Variants in CFAP418 observed in about 807,000 individuals in gnomAD.
The protein encoded by CFAP418 is cilia and flagella associated protein 418, also known as cilia- and flagella-associated protein 418.
CFAP418 carries 27 observed loss-of-function variants against 24.7 expected under a neutral mutation model. That is an observed-to-expected ratio of 1.09 (90% CI 0.81 to 1.51). The LOEUF is 1.51. Ranked by LOEUF, CFAP418 falls within the 40% of genes most tolerant of loss-of-function variation. The pLI is 0.00. For missense variants in CFAP418, 257 were observed against 255.2 expected, an observed-to-expected ratio of 1.01 and a Z score of -0.05; for synonymous variants, 74 against 87.3, an observed-to-expected ratio of 0.85 and a Z score of 0.85.
At chr8:95,268,949 T>C in intron 1 of CFAP418, 86 bp downstream of exon 1, 1 of 1,450,170 alleles carries the variant, frequency 6.9e-7, no homozygotes, top group Middle Eastern at 2.1e-4. Flanking sequence ...GCGGGCACGT[T>C]TCTTTTGGGT....
At chr8:95,268,751 CGGGCGGGGCGGGGCG>C (rs71273476) in intron 1 of CFAP418, 6,947 of 113,936 alleles carry the variant, frequency 0.061, 395 homozygotes, top group African/African-American at 0.13. Context: ...GCGGGCTCTG[CGGGCGGGGCGGGGCG>C]GGGCGGGGCG....
At chr8:95,255,080 T>A (rs554260398) in intron 4 of CFAP418, among the ~76,000 whole-genome samples, 1 of 152,326 alleles carries the variant, frequency 6.6e-6, no homozygotes, top group Non-Finnish European at 1.5e-5. Flanking sequence ...CATTGACTAG[T>A]CTTCCTGTGT....
At chr8:95,249,083 C>A (rs1470224577) in intron 5 of CFAP418, among the ~76,000 whole-genome samples, 1 of 152,104 alleles carries the variant, frequency 6.6e-6, no homozygotes, top group Non-Finnish European at 1.5e-5. Context: ...CCCGCCAAAA[C>A]TAAGTTGTTG....
intron 2 of CFAP418, among the ~76,000 whole-genome samples, chr8:95,261,817 A>T (rs2132162840): frequency 6.6e-6 from 1 of 152,350 alleles, no homozygotes; most frequent in Non-Finnish European, 1.5e-5. Context: ...AAACACCTTA[A>T]CTGAAAAGAT....
At position 95,268,751 on chromosome 8, in the gene CFAP418, CGGGCGGGGCGGGGCGGGGCGGGGCG is replaced by C. The variant is rs71273476; in HGVS notation, c.155+259_155+283del. 79 of 114,026 alleles carry C rather than the reference CGGGCGGGGCGGGGCGGGGCGGGGCG, an allele frequency of 6.9e-4. 2 individuals are homozygous for C. Among genetic ancestry groups the C allele is most frequent in the Admixed American group, 1.9e-3 (11 of 5,872 alleles). The allele number at this position is 114,026 out of a possible 1,614,324, so 7.1% of individuals were successfully genotyped here. On this transcript the variant is annotated intron_variant, in intron 1 of 5. Transcript: ENST00000286688. ...AGACTGGCGCGGACTGCGGGCTCTG[CGGGCGGGGCGGGGCGGGGCGGGGCG>C]GGGCGGGGCGGGGCGGGGGCCAGCC... is the stretch of plus-strand genomic sequence containing the variant.
intron 2 of CFAP418, among the ~76,000 whole-genome samples, chr8:95,261,966 CT>C: frequency 6.6e-6 from 1 of 152,198 alleles, no homozygotes; most frequent in South Asian, 2.1e-4. Flanking sequence ...CTATTCAGTG[CT>C]TATGCACTTA....
At chr8:95,247,841 A>AAG in intron 5 of CFAP418, 71 bp from the exon 6 acceptor site, 1 of 1,288,186 alleles carries the variant, frequency 7.8e-7, no homozygotes, top group Non-Finnish European at 1.1e-6. Context: ...AAAAAAAAAA[A>AAG]GGTCATTGCT....
rs114693384 is a variant in CFAP418, at chr8:95,264,384, A to T, written c.156-610T>A. On this transcript the variant is annotated intron_variant, in intron 1 of 5. Coordinates refer to ENST00000286688, the MANE Select transcript of CFAP418 (RefSeq NM_177965.4). ...TTTAATAGCTGATGCTAAATAGCTA[A>T]TAACTAAATAGTAAGTATTTACTGA... is the stretch of plus-strand genomic sequence containing the variant. Among the ~76,000 whole-genome samples, 1,136 of 152,316 alleles carry T rather than the reference A, an allele frequency of 7.5e-3. 20 individuals carry two copies. The highest frequency in any genetic ancestry group is 0.026 in the African/African-American group (1,075 of 41,574).
intron 1 of CFAP418, among the ~76,000 whole-genome samples, chr8:95,264,139 T>G (rs1811936765): frequency 6.6e-6 from 1 of 152,174 alleles, no homozygotes; most frequent in Non-Finnish European, 1.5e-5. Context: ...AAGATAATTT[T>G]AACGAGTCTT....
Position 95,257,687 on chromosome 8 carries a change from G to A in CFAP418, c.374+2153C>T, listed in dbSNP as rs536236340. Among the ~76,000 whole-genome samples the A allele has an allele frequency of 2.0e-5, 3 of 152,212 alleles. No homozygotes were observed. In the East Asian group the frequency reaches 5.8e-4, roughly 29 times the overall value. Reference sequence around the variant, plus strand: ...CACAATGCTTACTCATGTGTTTGTGGTGACGCTGATGTAAACAAACCTACT... The same window carrying A: ...CACAATGCTTACTCATGTGTTTGTGATGACGCTGATGTAAACAAACCTACT... On this transcript the variant is annotated intron_variant, in intron 4 of 5. Transcript: ENST00000286688.
At position 95,261,615 on chromosome 8, in the gene CFAP418, G is replaced by GT. The variant is rs201405968; in HGVS notation, c.244-1084dup. 3.9e-3 allele frequency among the ~76,000 whole-genome samples: 591 copies of GT among 151,276 alleles called. 1 individual carries two copies. The highest frequency in any genetic ancestry group is 4.9e-3 in the Non-Finnish European group (333 of 67,736). On this transcript the variant is annotated intron_variant, in intron 2 of 5. Transcript: ENST00000286688. ...ATCTATGTTTCTTTTGTTAATACAT[G>GT]TTTTTTTTTCCCAATAAATGTTTTA... is the stretch of plus-strand genomic sequence containing the variant.
intron 4 of CFAP418, among the ~76,000 whole-genome samples, chr8:95,252,619 A>G (rs894158040): frequency 6.6e-6 from 1 of 152,218 alleles, no homozygotes; most frequent in Non-Finnish European, 1.5e-5. Context: ...ATATAAGCTA[A>G]CTTCTTTAAA....
chr8:95,262,708 C>G (rs909734077), intron 2 of CFAP418, among the ~76,000 whole-genome samples: 2 of 152,066 alleles, frequency 1.3e-5, no homozygotes, highest in African/African-American at 4.8e-5. Flanking sequence ...ATGAGCACAC[C>G]TTATGACCTA....
chr8:95,268,958 G>A (rs1812085668), intron 1 of CFAP418, 77 bp downstream of exon 1: 1 of 1,497,438 alleles, frequency 6.7e-7, no homozygotes, highest in South Asian at 1.2e-5. Flanking sequence ...TTTCTTTTGG[G>A]TTGGGCGGCG....
chr8:95,265,575 G>C (rs374587708), intron 1 of CFAP418, among the ~76,000 whole-genome samples: 139 of 152,248 alleles, frequency 9.1e-4, no homozygotes, highest in South Asian at 5.0e-3. Flanking sequence ...AGGTTGCTAA[G>C]ATGTCCTCTT....
chr8:95,265,498 C>G (rs1185662433), intron 1 of CFAP418, among the ~76,000 whole-genome samples: 3 of 152,170 alleles, frequency 2.0e-5, no homozygotes, highest in Non-Finnish European at 4.4e-5. Flanking sequence ...AGTTCCAATC[C>G]TCTTTAATCT....
At position 95,263,566 on chromosome 8, in the gene CFAP418, G is replaced by C. The variant is rs552944226; in HGVS notation, c.243+121C>G. 262 of 567,820 alleles carry C rather than the reference G, an allele frequency of 4.6e-4. 6 individuals are homozygous for C. In the South Asian group the frequency reaches 5.5e-3, roughly 12 times the overall value. 35.2% of individuals were successfully genotyped at this position (567,820 alleles called of 1,614,324 possible). A position where few individuals can be genotyped will look rare whatever the true frequency, so the allele number is the denominator to read the frequency against. On this transcript the variant is annotated intron_variant, in intron 2 of 5. Transcript: ENST00000286688. ...TCTTTAAGTGTAATAATTTCTTTAA[G>C]TAATTGTATTTCTCAGAATTCAAAA... is the stretch of plus-strand genomic sequence containing the variant.
intron 2 of CFAP418, among the ~76,000 whole-genome samples, chr8:95,261,184 G>A (rs545656013): frequency 1.3e-5 from 2 of 152,282 alleles, no homozygotes; most frequent in East Asian, 3.9e-4. Context: ...CCAAGGAGAG[G>A]AAGTGAGATG....
At chr8:95,251,833 A>C (rs965185405) in intron 5 of CFAP418, among the ~76,000 whole-genome samples, 6 of 152,204 alleles carry the variant, frequency 3.9e-5, no homozygotes, top group Non-Finnish European at 5.9e-5. Context: ...AGCCTACCAC[A>C]CACCTAGGCT....
Sources: allele counts gnomAD v4.1 joint callset (sites outside exome capture counted in the v4.1 genomes callset), GRCh38; gene constraint gnomAD v4.1.1; transcripts MANE v1.5; gene names NCBI Gene and HGNC (gene_info 2026-07-23, HGNC 2026-07-21).